The following PIP5K1C variants were observed in gnomAD, a reference collection of about 807,000 sequenced individuals.
PIP5K1C encodes the protein phosphatidylinositol-4-phosphate 5-kinase type 1 gamma, also known as phosphatidylinositol 4-phosphate 5-kinase type-1 gamma.
Under a neutral mutation model 80.1 loss-of-function variants are expected in PIP5K1C, and 45 were observed. The observed-to-expected ratio is 0.56, with a 90% CI of 0.44 to 0.72. The LOEUF is 0.72. Among genes scored for constraint, PIP5K1C ranks in the 30% least tolerant of loss-of-function variants. The pLI, the probability that PIP5K1C is intolerant of heterozygous loss-of-function variation, is 0.00. For missense variants in PIP5K1C, 753 were observed against 954.6 expected (o/e 0.79, Z 2.78); for synonymous variants, 498 against 420.1 (o/e 1.19, Z -2.27).
chr19:3,657,950 G>T (rs998975855), intron 5 of PIP5K1C, among the ~76,000 whole-genome samples: 2 of 152,112 alleles, frequency 1.3e-5, no homozygotes, highest in Admixed American at 1.3e-4. Context: ...ACCCCAACAA[G>T]TGAGGGGAAC....
In PIP5K1C at chr19:3,688,510, C is replaced by T. The variant is rs749398353; in HGVS notation, c.94+11787G>A. ...CAGGCAGCTCCGGTGAGGCCACCCT[C>T]GCCCCCTGGTTTCAACTCCTGCTGT... On this transcript the variant is annotated intron_variant, in intron 1 of 17. Transcript: ENST00000335312. The surrounding 1 kb of genome is among the most constrained non-coding windows in gnomAD (Gnocchi z 5.3). Among the ~76,000 whole-genome samples the T allele has an allele frequency of 3.3e-5, 5 of 152,170 alleles. No homozygotes were observed. Among genetic ancestry groups the T allele is most frequent in the Non-Finnish European group, 7.4e-5 (5 of 68,008 alleles).
chr19:3,660,795 C>T (rs750018246), intron 5 of PIP5K1C, among the ~76,000 whole-genome samples, 171 bp downstream of exon 5: 1 of 152,132 alleles, frequency 6.6e-6, no homozygotes, highest in African/African-American at 2.4e-5. Context: ...GGAGGCCGAT[C>T]TCTCCTGCTT....
At position 3,648,833 on chromosome 19, in the gene PIP5K1C, C is replaced by T. The variant is rs188111663; in HGVS notation, c.1128-125G>A. On this transcript the variant is annotated intron_variant, in intron 8 of 17. Coordinates refer to ENST00000335312, the MANE Select transcript of PIP5K1C (RefSeq NM_012398.3). This position sits in a 1 kb window ranked among gnomAD's most constrained non-coding sequence, Gnocchi z 4.3. ...GTGGGTGGCAACTTGGCCAAGCTCT[C>T]GGAGTGGGGCCTGGCACCCGGGAAC... is the stretch of plus-strand genomic sequence containing the variant. 5.2e-5 allele frequency: 39 copies of T among 753,906 alleles called. No individual in the cohort carries two copies. Among genetic ancestry groups the T allele is most frequent in the African/African-American group, 5.0e-4 (29 of 58,198 alleles). 46.7% of individuals were successfully genotyped at this position (753,906 alleles called of 1,614,324 possible).
intron 1 of PIP5K1C, among the ~76,000 whole-genome samples, chr19:3,676,062 C>T (rs746480737): frequency 5.3e-5 from 8 of 152,254 alleles, no homozygotes; most frequent in African/African-American, 7.2e-5. Flanking sequence ...CCACTCCTCA[C>T]GGCTTCATTT....
At chr19:3,676,335 C>T (rs1041741990) in intron 1 of PIP5K1C, among the ~76,000 whole-genome samples, 9 of 152,202 alleles carry the variant, frequency 5.9e-5, no homozygotes, top group East Asian at 1.9e-4. Flanking sequence ...GGTACATCCG[C>T]GGTCCCCGGC....
At chr19:3,640,309 T>A (rs2145389901) in intron 15 of PIP5K1C, among the ~76,000 whole-genome samples, 1 of 151,896 alleles carries the variant, frequency 6.6e-6, no homozygotes, top group South Asian at 2.1e-4. Context: ...AGGTCAGGAG[T>A]TCGAGACCAG....
rs202145504 is a variant in PIP5K1C, at chr19:3,667,334, C to T, written c.114G>A (p.Ala38=). 18 of 1,612,830 alleles carry T rather than the reference C, an allele frequency of 1.1e-5. No homozygotes were observed. The highest frequency in any genetic ancestry group is 5.5e-5 in the South Asian group (5 of 91,070). The change falls in exon 2 of 18, where the codon GCG becomes GCA. Residue 38 remains alanine (A), a synonymous_variant. Transcript: ENST00000335312. Reference sequence around the variant, plus strand: ...TCCAGACACTCACCTCTGTTGGGGCCGCCTTCTTCTGAGCCAAACCTGCAG... The same window carrying T: ...TCCAGACACTCACCTCTGTTGGGGCTGCCTTCTTCTGAGCCAAACCTGCAG... ...GAAAGLAQKK[A]APTEVLSMTA... is the part of the protein sequence containing the mutation.
At position 3,670,455 on chromosome 19, in the gene PIP5K1C, C is replaced by G. The variant is rs562196216; in HGVS notation, c.95-3102G>C. ...TCCAGGCCCTGAAACGCCAAGGATGCCCGGAGGCACCAGGAGCAGAGGGGT... is the reference window on the plus strand; with the variant it reads ...TCCAGGCCCTGAAACGCCAAGGATGGCCGGAGGCACCAGGAGCAGAGGGGT... On this transcript the variant is annotated intron_variant, in intron 1 of 17. Transcript: ENST00000335312. Among the ~76,000 whole-genome samples, 141 of 152,286 alleles carry G rather than the reference C, an allele frequency of 9.3e-4. 1 individual carries two copies. The highest frequency in any genetic ancestry group is 3.2e-3 in the African/African-American group (134 of 41,568).
intron 1 of PIP5K1C, among the ~76,000 whole-genome samples, chr19:3,673,217 C>A (rs1344277538): frequency 6.6e-6 from 1 of 152,122 alleles, no homozygotes; most frequent in Non-Finnish European, 1.5e-5. Flanking sequence ...GGCCTTTGCA[C>A]GAGCGGTGCC....
chr19:3,682,731 T>C (rs1042241330), intron 1 of PIP5K1C, among the ~76,000 whole-genome samples: 1 of 152,200 alleles, frequency 6.6e-6, no homozygotes, highest in African/African-American at 2.4e-5. Flanking sequence ...AGAAGCTCTC[T>C]TGGAAGCGGC....
chr19:3,664,784 T>C, intron 3 of PIP5K1C, 38 bp downstream of exon 3: 1 of 1,528,016 alleles, frequency 6.5e-7, no homozygotes, highest in Non-Finnish European at 9.1e-7. Context: ...CTCTGCTCTG[T>C]CCCGCTCCCT....
In PIP5K1C at chr19:3,696,626, G is replaced by A. The variant is rs551758277; in HGVS notation, c.94+3671C>T. Among the ~76,000 whole-genome samples the A allele has an allele frequency of 2.9e-4, 44 of 151,682 alleles. No homozygotes were observed. Among genetic ancestry groups the A allele is most frequent in the South Asian group, 6.2e-4 (3 of 4,804 alleles). ...TCCGGGGTGGGGGTGGGGGGCAGCC[G>A]TGCAAAGGCCCCGGGGCAGGACCAT... On this transcript the variant is annotated intron_variant, in intron 1 of 17. Transcript: ENST00000335312. This position sits in a 1 kb window ranked among gnomAD's most constrained non-coding sequence, Gnocchi z 4.1.
chr19:3,668,039 C>T (rs1341398346), intron 1 of PIP5K1C, among the ~76,000 whole-genome samples: 1 of 152,174 alleles, frequency 6.6e-6, no homozygotes, highest in East Asian at 1.9e-4. Context: ...GAGGGGACCC[C>T]CAGCCCTGCC....
chr19:3,633,107 C>A lies in PIP5K1C; in HGVS notation c.*60G>T. ...CTGGGCCTCAGCGGGGTGGGCAGCG[C>A]CTTCGGGGGCAGCCGGAGCAGAAGT... On this transcript the variant is annotated 3_prime_UTR_variant, in exon 18 of 18. Coordinates refer to ENST00000335312, the MANE Select transcript of PIP5K1C (RefSeq NM_012398.3). 1.4e-6 allele frequency: 1 copy of A among 734,244 alleles called. No homozygotes were observed. The highest frequency in any genetic ancestry group is 2.5e-6 in the Non-Finnish European group (1 of 395,328). The allele number at this position is 734,244 out of a possible 1,614,324, so 45.5% of individuals were successfully genotyped here.
intron 14 of PIP5K1C, 82 bp from the exon 15 acceptor site, chr19:3,641,891 GGC>G: frequency 8.9e-7 from 1 of 1,128,458 alleles, no homozygotes; most frequent in Non-Finnish European, 1.3e-6. Flanking sequence ...TGAACTCCAG[GGC>G]CAGTCCCAGA....
chr19:3,681,585 A>C (rs2035591058), intron 1 of PIP5K1C, among the ~76,000 whole-genome samples: 1 of 151,996 alleles, frequency 6.6e-6, no homozygotes. Context: ...GCTCGTACAC[A>C]CATCCCCCCG....
chr19:3,640,595 A>C (rs966364802), intron 15 of PIP5K1C, among the ~76,000 whole-genome samples: 4 of 152,210 alleles, frequency 2.6e-5, no homozygotes, highest in Non-Finnish European at 5.9e-5. Flanking sequence ...TTTTAAAAAA[A>C]CAGATATTTC....
At chr19:3,681,524 G>A (rs181366388) in intron 1 of PIP5K1C, among the ~76,000 whole-genome samples, 3 of 152,156 alleles carry the variant, frequency 2.0e-5, no homozygotes, top group African/African-American at 4.8e-5. Context: ...GAGCCACCGC[G>A]CCTGGCCCAC....
At chr19:3,694,529 C>T (rs575253855) in intron 1 of PIP5K1C, among the ~76,000 whole-genome samples, 48 of 152,382 alleles carry the variant, frequency 3.1e-4, no homozygotes, top group African/African-American at 1.0e-3. Flanking sequence ...ACCTGGACAC[C>T]TGCCCCAACC....
Sources: gnomAD v4.1 joint callset for allele counts (sites outside exome capture counted in the v4.1 genomes callset) on GRCh38, gnomAD v4.1.1 for gene constraint, Gnocchi (gnomAD v3.1) non-coding constraint, MANE v1.5 for transcripts, NCBI Gene and HGNC (gene_info 2026-07-23, HGNC 2026-07-21) for gene names.